The following GASK1A variants were observed in gnomAD, a reference collection of about 807,000 sequenced individuals.
GASK1A encodes golgi associated kinase 1A, also known as Golgi-associated kinase 1A.
GASK1A carries 40 observed loss-of-function variants against 41.2 expected under a neutral mutation model. The ratio of observed to expected loss-of-function variants is 0.97; its 90% confidence interval spans 0.75 to 1.27. The LOEUF (loss-of-function observed/expected upper bound fraction) is 1.27. Among genes scored for constraint, GASK1A ranks in the 50% most tolerant of loss-of-function variants. The pLI is 0.00. For missense variants in GASK1A, 678 were observed against 745.1 expected, an observed-to-expected ratio of 0.91 and a Z score of 1.05; for synonymous variants, 316 against 307.1, an observed-to-expected ratio of 1.03 and a Z score of -0.30.
chr3:43,029,310 C>G (rs776138876), intron 1 of GASK1A, among the ~76,000 whole-genome samples: 6 of 152,078 alleles, frequency 3.9e-5, no homozygotes, highest in Non-Finnish European at 8.8e-5. Context: ...GCAGAAAACC[C>G]TCATTTCAAC....
At chr3:42,983,593 G>A (rs1162057124) in intron 1 of GASK1A, among the ~76,000 whole-genome samples, 1 of 152,200 alleles carries the variant, frequency 6.6e-6, no homozygotes, top group Non-Finnish European at 1.5e-5. Flanking sequence ...CAGGTCCTTG[G>A]AATCTACTGC....
At chr3:43,003,808 G>GA (rs1325306871) in intron 1 of GASK1A, among the ~76,000 whole-genome samples, 1 of 152,030 alleles carries the variant, frequency 6.6e-6, no homozygotes, top group African/African-American at 2.4e-5. Flanking sequence ...GTAAATAGTG[G>GA]AAAAAAATGG....
rs373974117 is a variant in GASK1A, at chr3:43,013,977, G to T, written c.4-18290G>T. Among the ~76,000 whole-genome samples, 68 of 152,244 alleles carry T rather than the reference G, an allele frequency of 4.5e-4. 2 individuals carry two copies. The East Asian group carries it at 7.6e-3, about 17-fold the overall frequency. On this transcript the variant is annotated intron_variant, in intron 1 of 4. Coordinates refer to ENST00000430121, the MANE Select transcript of GASK1A (RefSeq NM_001129908.3). ...AAGGGTAATGTGAAGCCACAGGAAG[G>T]GGCTGTGTGAAGCCACAGAATGGGG...
chr3:42,994,370 G>A lies in GASK1A; in HGVS notation c.3+14725G>A, dbSNP rs186162639. Among the ~76,000 whole-genome samples the A allele has an allele frequency of 4.3e-3, 657 of 152,222 alleles. 2 individuals are homozygous for A. The highest frequency in any genetic ancestry group is 6.4e-3 in the Non-Finnish European group (432 of 68,008). ...GCAGGAGCCGGGCCTAGGGGGATGG[G>A]GAAGGCCAATGCTGGGGAGGAAGCA... On this transcript the variant is annotated intron_variant, in intron 1 of 4. Coordinates refer to ENST00000430121, the MANE Select transcript of GASK1A (RefSeq NM_001129908.3).
At chr3:42,986,651 G>C (rs1017251077) in intron 1 of GASK1A, among the ~76,000 whole-genome samples, 2 of 152,120 alleles carry the variant, frequency 1.3e-5, no homozygotes, top group Admixed American at 1.3e-4. Flanking sequence ...TCTTGGATGT[G>C]GGTGCTCGCC....
intron 1 of GASK1A, among the ~76,000 whole-genome samples, chr3:42,994,972 C>T (rs2089362156): frequency 6.6e-6 from 1 of 152,192 alleles, no homozygotes; most frequent in African/African-American, 2.4e-5. Context: ...GGCAATTGAA[C>T]ACCTGAAATG....
rs1011526485 is a variant in GASK1A, at chr3:43,056,666, C to T, written c.*280C>T. On this transcript the variant is annotated 3_prime_UTR_variant, in exon 5 of 5. Coordinates refer to ENST00000430121, the MANE Select transcript of GASK1A (RefSeq NM_001129908.3). Reference sequence around the variant, plus strand: ...AGAAACTGTAAAAATGTGTGATGCACGTGCATATGCAGAGTGGGAGAACTT... The same window carrying T: ...AGAAACTGTAAAAATGTGTGATGCATGTGCATATGCAGAGTGGGAGAACTT... The T allele has an allele frequency of 2.5e-5, 8 of 315,118 alleles. 1 individual carries two copies. Among genetic ancestry groups the T allele is most frequent in the Admixed American group, 1.7e-4 (4 of 23,038 alleles). 19.5% of individuals were successfully genotyped at this position (315,118 alleles called of 1,614,324 possible).
chr3:43,030,204 G>A (rs1227058279), intron 1 of GASK1A, among the ~76,000 whole-genome samples: 1 of 152,174 alleles, frequency 6.6e-6, no homozygotes, highest in Non-Finnish European at 1.5e-5. Flanking sequence ...ACAAAGTTTC[G>A]CCATGTTGGC....
intron 1 of GASK1A, among the ~76,000 whole-genome samples, chr3:43,030,442 G>A (rs549104943): frequency 2.6e-5 from 4 of 152,174 alleles, no homozygotes; most frequent in Non-Finnish European, 5.9e-5. Context: ...TGGATGCTGC[G>A]CAGTCCCGAA....
intron 1 of GASK1A, among the ~76,000 whole-genome samples, chr3:43,028,563 T>C (rs1020955312): frequency 6.6e-6 from 1 of 152,184 alleles, no homozygotes; most frequent in South Asian, 2.1e-4. Context: ...TATGTGTGTG[T>C]GGGTGGGGGT....
At chr3:42,987,977 C>T (rs144899839) in intron 1 of GASK1A, among the ~76,000 whole-genome samples, 1,400 of 112,946 alleles carry the variant, frequency 0.012, 25 homozygotes, top group African/African-American at 0.042. Flanking sequence ...CCAGCCTCGG[C>T]GACAGAGCGA....
At chr3:43,026,290 A>G (rs2089546565) in intron 1 of GASK1A, among the ~76,000 whole-genome samples, 1 of 152,246 alleles carries the variant, frequency 6.6e-6, no homozygotes, top group Non-Finnish European at 1.5e-5. Flanking sequence ...AAGCATCTGC[A>G]TCATGAAAAC....
intron 1 of GASK1A, among the ~76,000 whole-genome samples, chr3:43,010,352 G>C (rs2089457562): frequency 6.6e-6 from 1 of 152,168 alleles, no homozygotes; most frequent in African/African-American, 2.4e-5. Context: ...AATGCTTTCA[G>C]GGCTTCTCAA....
intron 1 of GASK1A, among the ~76,000 whole-genome samples, chr3:43,023,119 G>A (rs1237399748): frequency 1.3e-5 from 2 of 152,192 alleles, no homozygotes; most frequent in East Asian, 3.9e-4. Context: ...GGAACTTACT[G>A]TGGATTACCC....
intron 2 of GASK1A, among the ~76,000 whole-genome samples, chr3:43,044,156 G>A (rs2089650976): frequency 6.6e-6 from 1 of 152,198 alleles, no homozygotes; most frequent in Non-Finnish European, 1.5e-5. Flanking sequence ...GGGTTTGGCT[G>A]ACCATGCAGC....
At chr3:43,055,291 A>G (rs867715299) in intron 3 of GASK1A, 141 bp from the exon 4 acceptor site, 2 of 612,648 alleles carry the variant, frequency 3.3e-6, no homozygotes, top group Middle Eastern at 5.4e-4. Flanking sequence ...GTAAGCACTC[A>G]GCGGTGAGGA....
At chr3:43,004,311 A>G (rs7624799) in intron 1 of GASK1A, among the ~76,000 whole-genome samples, 26,532 of 152,266 alleles carry the variant, frequency 0.17, 2,692 homozygotes, top group Non-Finnish European at 0.23. Flanking sequence ...AGCGAAGGCT[A>G]ATGAATGACT....
intron 1 of GASK1A, among the ~76,000 whole-genome samples, chr3:42,982,771 C>G (rs1395245174): frequency 6.6e-6 from 1 of 152,202 alleles, no homozygotes; most frequent in Non-Finnish European, 1.5e-5. Context: ...TGTAACTACC[C>G]TCCCAGGGCC....
At chr3:43,002,883 G>A (rs1243861082) in intron 1 of GASK1A, among the ~76,000 whole-genome samples, 3 of 152,124 alleles carry the variant, frequency 2.0e-5, no homozygotes, top group African/African-American at 7.2e-5. Flanking sequence ...TCATTCTTCA[G>A]TTCTTTTATG....
Sources: gnomAD v4.1 joint callset for allele counts (sites outside exome capture counted in the v4.1 genomes callset) on GRCh38, gnomAD v4.1.1 for gene constraint, MANE v1.5 for transcripts, NCBI Gene and HGNC (gene_info 2026-07-23, HGNC 2026-07-21) for gene names.